The following C5orf24 variants were observed in gnomAD, a reference collection of about 807,000 sequenced individuals.
C5orf24 encodes chromosome 5 open reading frame 24.
Under a neutral mutation model 9.8 loss-of-function variants are expected in C5orf24, and 4 were observed. That is an observed-to-expected ratio of 0.41 (90% CI 0.20 to 0.93). C5orf24 has a LOEUF of 0.93. Among genes scored for constraint, C5orf24 ranks in the 40% least tolerant of loss-of-function variants. The pLI, the probability that C5orf24 is intolerant of heterozygous loss-of-function variation, is 0.33. For synonymous variants in C5orf24, 73 were observed against 81.3 expected, an observed-to-expected ratio of 0.90 and a Z score of 0.55; for missense variants, 170 against 236.9, an observed-to-expected ratio of 0.72 and a Z score of 1.85.
At chr5:134,835,455 G>T in the C5orf24 span, among the ~76,000 whole-genome samples, 2 of 152,056 alleles carry the variant, frequency 1.3e-5, no homozygotes. Context: ...TGTCAGCCTG[G>T]CCAACATGGT....
upstream of C5orf24, among the ~76,000 whole-genome samples, chr5:134,845,363 C>G (rs371795852): frequency 8.3e-4 from 126 of 152,334 alleles, 1 homozygote; most frequent in Middle Eastern, 0.02. Context: ...TGCCCTAATT[C>G]TGGATCCTCT....
intron 1 of C5orf24, among the ~76,000 whole-genome samples, chr5:134,850,261 G>A (rs1009120074): frequency 6.6e-6 from 1 of 152,052 alleles, no homozygotes; most frequent in Non-Finnish European, 1.5e-5. Flanking sequence ...CGATTCTCCT[G>A]CCTCAGCGTC....
chr5:134,834,527 C>T, the C5orf24 span, among the ~76,000 whole-genome samples: 17 of 152,182 alleles, frequency 1.1e-4, no homozygotes, highest in Admixed American at 1.0e-3. Flanking sequence ...GTCTGTGGCA[C>T]AGGATTTGGA....
chr5:134,844,869 C>T (rs187320049), upstream of C5orf24, among the ~76,000 whole-genome samples: 617 of 152,290 alleles, frequency 4.1e-3, 2 homozygotes, highest in Middle Eastern at 0.041. Flanking sequence ...TTCCGAGTAG[C>T]TGGGATTACA....
At chr5:134,841,247 A>G (rs1159607286), upstream of C5orf24, among the ~76,000 whole-genome samples, 1 of 152,074 alleles carries the variant, frequency 6.6e-6, no homozygotes, top group Non-Finnish European at 1.5e-5. Context: ...CAGTTACTAC[A>G]GCTAGATTAT....
chr5:134,834,649 G>A, the C5orf24 span, among the ~76,000 whole-genome samples: 1 of 152,132 alleles, frequency 6.6e-6, no homozygotes, highest in African/African-American at 2.4e-5. Flanking sequence ...AGGCACAGTG[G>A]CTCATGCCTG....
In C5orf24 at chr5:134,855,333, A is replaced by G. The variant is rs1479467977; in HGVS notation, c.433A>G (p.Ile145Val). 2 of 1,614,184 alleles carry G rather than the reference A, an allele frequency of 1.2e-6. No homozygotes were observed. The highest frequency in any genetic ancestry group is 8.5e-7 in the Non-Finnish European group (1 of 1,180,048). Residue 145 changes from isoleucine to valine, a missense_variant, in exon 2 of 2, where the codon ATT becomes GTT. Ile to Val is a conservative substitution (Grantham distance 29). Coordinates refer to ENST00000394976, the MANE Select transcript of C5orf24 (RefSeq NM_001135586.1). ...KVSPGRPPGS[I>V]KALSRLADLG... ...CAGCCCAGGCAGACCTCCAGGTAGC[A>G]TTAAAGCTCTATCCCGTCTTGCCGA...
At chr5:134,837,060 G>A in the C5orf24 span, among the ~76,000 whole-genome samples, 8 of 151,848 alleles carry the variant, frequency 5.3e-5, no homozygotes, top group African/African-American at 1.7e-4. Context: ...TGCAACCTCC[G>A]CCTCCCAGGT....
chr5:134,848,897 C>T (rs1213736396), intron 1 of C5orf24, among the ~76,000 whole-genome samples: 20 of 145,610 alleles, frequency 1.4e-4, no homozygotes, highest in Middle Eastern at 3.8e-3. Flanking sequence ...GCAGAGGTTG[C>T]GGTGAGTCAA....
the C5orf24 span, among the ~76,000 whole-genome samples, chr5:134,835,497 A>G: frequency 6.6e-6 from 1 of 151,880 alleles, no homozygotes; most frequent in Admixed American, 6.6e-5. Context: ...AAATACAAAA[A>G]TTAGTAGGGC....
In C5orf24 at chr5:134,846,069, C is replaced by G. The variant is rs1041229785; in HGVS notation, c.-147C>G. ...GGAGCCAGCGCCTGCCTCGCCGCCG[C>G]CCTCGCTGCCTGCCACTCCGTCTTG... is the stretch of plus-strand genomic sequence containing the variant. On this transcript the variant is annotated 5_prime_UTR_variant, in exon 1 of 2. Coordinates refer to ENST00000394976, the MANE Select transcript of C5orf24 (RefSeq NM_001135586.1). The G allele has an allele frequency of 2.0e-5, 3 of 152,314 alleles. No homozygotes were observed. The highest frequency in any genetic ancestry group is 6.5e-5 in the Admixed American group (1 of 15,288). 9.4% of individuals were successfully genotyped at this position (152,314 alleles called of 1,614,324 possible).
chr5:134,843,971 A>T (rs1755936800), upstream of C5orf24, among the ~76,000 whole-genome samples: 1 of 152,244 alleles, frequency 6.6e-6, no homozygotes, highest in Admixed American at 6.5e-5. Flanking sequence ...CTTGCCCAAA[A>T]TACCATGGGA....
At chr5:134,853,381 C>A (rs963069560) in intron 1 of C5orf24, among the ~76,000 whole-genome samples, 67 of 139,308 alleles carry the variant, frequency 4.8e-4, no homozygotes, top group African/African-American at 1.3e-3. Context: ...AAAAAAAAAA[C>A]CTGTCATTTC....
chr5:134,858,163 A>T lies in C5orf24; in HGVS notation c.*2696A>T, dbSNP rs999998657. The T allele has an allele frequency of 1.2e-5, 2 of 167,088 alleles. No homozygotes were observed. Among genetic ancestry groups the T allele is most frequent in the African/African-American group, 4.8e-5 (2 of 41,444 alleles). 10.4% of individuals were successfully genotyped at this position (167,088 alleles called of 1,614,324 possible). A position where few individuals can be genotyped will look rare whatever the true frequency, so the allele number is the denominator to read the frequency against. On this transcript the variant is annotated 3_prime_UTR_variant, in exon 2 of 2. Coordinates refer to ENST00000394976, the MANE Select transcript of C5orf24 (RefSeq NM_001135586.1). ...GGCAAATGGCTACAGTTGTAAATGG[A>T]TAACATCATTTAGAAAGCCGAATTT...
chr5:134,841,911 T>C (rs907180722), upstream of C5orf24, among the ~76,000 whole-genome samples: 3 of 152,134 alleles, frequency 2.0e-5, no homozygotes, highest in African/African-American at 4.8e-5. Context: ...GAGCACCTTA[T>C]AGAGTCAAGT....
chr5:134,851,477 T>G (rs1420614540), intron 1 of C5orf24, among the ~76,000 whole-genome samples: 1 of 133,004 alleles, frequency 7.5e-6, no homozygotes, highest in Non-Finnish European at 1.6e-5. Context: ...CTGGAGAAAT[T>G]TTTCATTGTC....
chr5:134,855,556 T>C lies in C5orf24; in HGVS notation c.*89T>C. The C allele has an allele frequency of 1.1e-5, 16 of 1,513,330 alleles. No homozygotes were observed. Among genetic ancestry groups the C allele is most frequent in the Non-Finnish European group, 1.4e-5 (16 of 1,130,002 alleles). 93.7% of individuals were successfully genotyped at this position (1,513,330 alleles called of 1,614,324 possible). On this transcript the variant is annotated 3_prime_UTR_variant, in exon 2 of 2. Coordinates refer to ENST00000394976, the MANE Select transcript of C5orf24 (RefSeq NM_001135586.1). ...TTTTATTTTGATATACATAATTTTA[T>C]GGCCTGGGCTTTCCAAATTTGTTTT...
chr5:134,847,867 T>C (rs1216951171), intron 1 of C5orf24, among the ~76,000 whole-genome samples: 2 of 152,136 alleles, frequency 1.3e-5, no homozygotes, highest in African/African-American at 4.8e-5. Context: ...GCCTGACTAA[T>C]TTTTTGGATT....
intron 1 of C5orf24, among the ~76,000 whole-genome samples, chr5:134,853,512 CCTT>C (rs1032093485): frequency 5.1e-4 from 74 of 145,390 alleles, no homozygotes; most frequent in Middle Eastern, 3.6e-3. Flanking sequence ...AGACTTTGGA[CCTT>C]CTTCTTCTTC....
Sources: allele counts gnomAD v4.1 joint callset (sites outside exome capture counted in the v4.1 genomes callset), GRCh38; gene constraint gnomAD v4.1.1; transcripts MANE v1.5; gene names NCBI Gene and HGNC (gene_info 2026-07-23, HGNC 2026-07-21).